The following DMXL1 variants were observed in gnomAD, a reference collection of about 807,000 sequenced individuals.
The protein encoded by DMXL1 is Dmx like 1.
In DMXL1, 99 loss-of-function variants were observed where a neutral mutation model predicts 319.2. The ratio of observed to expected loss-of-function variants is 0.31; its 90% CI spans 0.26 to 0.37. DMXL1 has a LOEUF of 0.37. Among genes scored for constraint, DMXL1 ranks in the 10% least tolerant of loss-of-function variants. The pLI is 1.00. For missense variants in DMXL1, 3,745 were observed against 3,595.6 expected (o/e 1.04, Z -1.06); for synonymous variants, 1,385 against 1,235.2 (o/e 1.12, Z -2.54).
chr5:119,078,916 G>A (rs1448882699), intron 1 of DMXL1, among the ~76,000 whole-genome samples: 2 of 152,126 alleles, frequency 1.3e-5, no homozygotes, highest in Non-Finnish European at 2.9e-5. Flanking sequence ...AGTTAATTTA[G>A]CAACAGTCTT....
intron 32 of DMXL1, among the ~76,000 whole-genome samples, chr5:119,202,819 C>G (rs915728278): frequency 1.4e-5 from 2 of 146,746 alleles, no homozygotes; most frequent in African/African-American, 5.1e-5. Flanking sequence ...CTGTTGCACT[C>G]CAGTCTGGGC....
intron 2 of DMXL1, 151 bp downstream of exon 2, chr5:119,098,255 T>G (rs1216673749): frequency 1.4e-6 from 1 of 706,846 alleles, no homozygotes; most frequent in Non-Finnish European, 2.2e-6. Flanking sequence ...TAAGATGCAT[T>G]CTATAGAGTG....
chr5:119,121,851 G>A (rs1298244094), intron 9 of DMXL1, among the ~76,000 whole-genome samples: 1 of 151,776 alleles, frequency 6.6e-6, no homozygotes, highest in African/African-American at 2.4e-5. Flanking sequence ...CTTCCCAGTA[G>A]GGGTGGCCGG....
chr5:119,193,368 C>T (rs1423127236), intron 29 of DMXL1, among the ~76,000 whole-genome samples: 2 of 152,126 alleles, frequency 1.3e-5, no homozygotes, highest in East Asian at 1.9e-4. Context: ...AAATGCTTTT[C>T]TTCCCTCTTA....
intron 32 of DMXL1, among the ~76,000 whole-genome samples, chr5:119,201,548 T>A (rs1242292776): frequency 6.6e-6 from 1 of 152,126 alleles, no homozygotes. Flanking sequence ...TTGTTACTTC[T>A]GCCAGGTTTT....
intron 32 of DMXL1, among the ~76,000 whole-genome samples, chr5:119,201,493 G>C (rs1419573091): frequency 1.3e-5 from 2 of 152,014 alleles, no homozygotes; most frequent in Non-Finnish European, 2.9e-5. Flanking sequence ...GGATTTTTGT[G>C]TTGACATTCA....
intron 5 of DMXL1, among the ~76,000 whole-genome samples, chr5:119,110,839 CTG>C (rs1185219078): frequency 1.8e-4 from 27 of 152,306 alleles, no homozygotes; most frequent in African/African-American, 6.3e-4. Context: ...GGATTAGACT[CTG>C]GAGTGCAATG....
chr5:119,177,832 G>A (rs1195519067), intron 27 of DMXL1, among the ~76,000 whole-genome samples, 164 bp from the exon 28 acceptor site: 1 of 151,984 alleles, frequency 6.6e-6, no homozygotes, highest in Non-Finnish European at 1.5e-5. Context: ...TAACTCATTT[G>A]TGCTTAACTA....
intron 33 of DMXL1, among the ~76,000 whole-genome samples, chr5:119,204,198 C>A (rs568549881): frequency 6.6e-5 from 10 of 152,176 alleles, no homozygotes; most frequent in African/African-American, 2.4e-4. Context: ...AGTACAGTGG[C>A]ACCATTTCAG....
At chr5:119,212,575 G>C (rs893431096) in intron 34 of DMXL1, among the ~76,000 whole-genome samples, 1 of 152,064 alleles carries the variant, frequency 6.6e-6, no homozygotes, top group African/African-American at 2.4e-5. Flanking sequence ...AAGTGGAATT[G>C]CTAGATCATA....
At chr5:119,101,296 A>G (rs959545434) in intron 2 of DMXL1, among the ~76,000 whole-genome samples, 1 of 151,904 alleles carries the variant, frequency 6.6e-6, no homozygotes, top group Non-Finnish European at 1.5e-5. Context: ...TCTCTTTACT[A>G]CATCATATGT....
intron 26 of DMXL1, 125 bp downstream of exon 26, chr5:119,175,462 G>T: frequency 1.6e-6 from 1 of 626,836 alleles, no homozygotes; most frequent in South Asian, 2.4e-5. Flanking sequence ...ATATGGTTGA[G>T]GTTTTGAGTA....
At chr5:119,109,668 C>T (rs1335076176) in intron 4 of DMXL1, among the ~76,000 whole-genome samples, 2 of 152,148 alleles carry the variant, frequency 1.3e-5, no homozygotes, top group Admixed American at 6.6e-5. Context: ...TTCTGAAATG[C>T]CTGTCTCTTC....
intron 15 of DMXL1, among the ~76,000 whole-genome samples, chr5:119,145,154 A>C (rs1768235552): frequency 6.6e-6 from 1 of 151,846 alleles, no homozygotes; most frequent in Non-Finnish European, 1.5e-5. Flanking sequence ...TACAGAGCCA[A>C]ACCAAACTCA....
chr5:119,074,400 T>C (rs1183762035), intron 1 of DMXL1, among the ~76,000 whole-genome samples: 1 of 152,260 alleles, frequency 6.6e-6, no homozygotes, highest in East Asian at 1.9e-4. Context: ...TTTGGTACTT[T>C]GTGTTTTCTT....
rs183537726 is a variant in DMXL1, at chr5:119,232,398, G to A, written c.8339-942G>A. On this transcript the variant is annotated intron_variant, in intron 38 of 43. Coordinates refer to ENST00000539542, the MANE Select transcript of DMXL1 (RefSeq NM_001290321.3). ...AACTTGACTGATATGTGACTAGCAA[G>A]TGCTAGATGTTTTATATAAATGTAT... Among the ~76,000 whole-genome samples, 222 of 152,256 alleles carry A rather than the reference G, an allele frequency of 1.5e-3. 1 individual carries two copies. The highest frequency in any genetic ancestry group is 5.1e-3 in the African/African-American group (212 of 41,554).
At position 119,071,325 on chromosome 5, in the gene DMXL1, A is replaced by G; in HGVS notation, c.-245A>G. Reference sequence around the variant, plus strand: ...TTCACCTGGGCTAGCGCGGGGAGTGACAGGTGCGCGAAGGAGCGCGGCGCT... The same window carrying G: ...TTCACCTGGGCTAGCGCGGGGAGTGGCAGGTGCGCGAAGGAGCGCGGCGCT... On this transcript the variant is annotated 5_prime_UTR_variant, in exon 1 of 44. Coordinates refer to ENST00000539542, the MANE Select transcript of DMXL1 (RefSeq NM_001290321.3). 1 of 510,072 alleles carries G rather than the reference A, an allele frequency of 2.0e-6. No individual in the cohort carries two copies. The allele number at this position is 510,072 out of a possible 1,614,324, so 31.6% of individuals were successfully genotyped here. A position where few individuals can be genotyped will look rare whatever the true frequency, so the allele number is the denominator to read the frequency against.
At chr5:119,187,391 C>T (rs1313009251) in intron 28 of DMXL1, among the ~76,000 whole-genome samples, 1 of 152,170 alleles carries the variant, frequency 6.6e-6, no homozygotes, top group Non-Finnish European at 1.5e-5. Context: ...ACCAGTTGAA[C>T]ACCCAGCAGC....
chr5:119,084,039 T>A (rs1047050011), intron 1 of DMXL1, among the ~76,000 whole-genome samples: 3 of 152,204 alleles, frequency 2.0e-5, no homozygotes, highest in African/African-American at 7.2e-5. Flanking sequence ...CCTGATGATT[T>A]GTGATGTTGA....
Sources: gnomAD v4.1 joint callset for allele counts (sites outside exome capture counted in the v4.1 genomes callset) on GRCh38, gnomAD v4.1.1 for gene constraint, MANE v1.5 for transcripts, NCBI Gene and HGNC (gene_info 2026-07-23, HGNC 2026-07-21) for gene names.